Variants in EPHA6 observed in about 807,000 individuals in gnomAD.
EPHA6 encodes the protein ephrin type-A receptor 6.
A neutral mutation model predicts 112.0 loss-of-function variants in EPHA6; 50 were observed. That is an observed-to-expected ratio of 0.45 (90% CI 0.36 to 0.56). The LOEUF (loss-of-function observed/expected upper bound fraction) is 0.56. EPHA6 is among the 20% of genes least tolerant of loss of function. The pLI, the probability that EPHA6 is intolerant of heterozygous loss-of-function variation, is 0.00. For synonymous variants in EPHA6, 529 were observed against 490.7 expected (o/e 1.08, Z -1.03); for missense variants, 1,280 against 1,417.4 (o/e 0.90, Z 1.56).
chr3:97,099,834 G>A (rs2047352167), intron 3 of EPHA6, among the ~76,000 whole-genome samples: 1 of 151,976 alleles, frequency 6.6e-6, no homozygotes, highest in Non-Finnish European at 1.5e-5. Flanking sequence ...AAGTCCCACA[G>A]CTGACTACTT....
intron 4 of EPHA6, among the ~76,000 whole-genome samples, chr3:97,232,605 A>G (rs2078561352): frequency 6.6e-6 from 1 of 152,162 alleles, no homozygotes; most frequent in Non-Finnish European, 1.5e-5. Context: ...CTCATAGGAA[A>G]GAATTTGGCT....
chr3:97,539,100 C>CTTCA (rs2092809600), intron 11 of EPHA6, among the ~76,000 whole-genome samples: 1 of 134,568 alleles, frequency 7.4e-6, no homozygotes, highest in East Asian at 2.1e-4. Context: ...TCCTTCCTTC[C>CTTCA]TTCCTTTCTT....
At chr3:97,304,172 A>G (rs1359846132) in intron 5 of EPHA6, among the ~76,000 whole-genome samples, 2 of 151,988 alleles carry the variant, frequency 1.3e-5, no homozygotes, top group South Asian at 2.1e-4. Flanking sequence ...TAGACATAGG[A>G]TAATGTCATC....
chr3:97,689,631 C>T (rs1020202996), intron 14 of EPHA6, among the ~76,000 whole-genome samples: 7 of 152,078 alleles, frequency 4.6e-5, no homozygotes, highest in African/African-American at 7.2e-5. Context: ...TTGTTTTTAA[C>T]GACAATTAAG....
intron 11 of EPHA6, among the ~76,000 whole-genome samples, chr3:97,561,249 T>C (rs2107162001): frequency 6.6e-6 from 1 of 152,158 alleles, no homozygotes; most frequent in Admixed American, 6.6e-5. Flanking sequence ...ATTTAGCTCA[T>C]AAAACTCAGT....
intron 7 of EPHA6, among the ~76,000 whole-genome samples, chr3:97,454,750 G>A (rs189100803): frequency 1.3e-5 from 2 of 151,794 alleles, no homozygotes; most frequent in African/African-American, 4.8e-5. Flanking sequence ...GTTGGTTGAA[G>A]CACAATCTGT....
chr3:97,099,285 A>T (rs554450753), intron 3 of EPHA6, among the ~76,000 whole-genome samples: 1 of 151,860 alleles, frequency 6.6e-6, no homozygotes, highest in African/African-American at 2.4e-5. Flanking sequence ...TTTTCCTGTC[A>T]ACTTTCTAAT....
At chr3:97,203,002 G>A (rs140417266) in intron 3 of EPHA6, among the ~76,000 whole-genome samples, 5 of 152,236 alleles carry the variant, frequency 3.3e-5, no homozygotes, top group African/African-American at 1.2e-4. Flanking sequence ...AATGATCATG[G>A]AAGAGAGGAG....
chr3:97,248,606 C>G (rs963988926), intron 5 of EPHA6, among the ~76,000 whole-genome samples: 2 of 152,116 alleles, frequency 1.3e-5, no homozygotes, highest in Admixed American at 1.3e-4. Context: ...CAATTCTTGT[C>G]AGAAGCAAGT....
At chr3:96,860,049 C>G (rs1358127317) in intron 1 of EPHA6, among the ~76,000 whole-genome samples, 3 of 152,092 alleles carry the variant, frequency 2.0e-5, no homozygotes, top group Non-Finnish European at 4.4e-5. Context: ...TTGTAACTTA[C>G]AGACTTTCTA....
At chr3:97,226,179 A>G in intron 3 of EPHA6, 85 bp from the exon 4 acceptor site, 1 of 1,077,144 alleles carries the variant, frequency 9.3e-7, no homozygotes, top group African/African-American at 1.6e-5. Flanking sequence ...TCCAATGTGA[A>G]TATAAATTAA....
At chr3:97,521,449 G>A (rs1438061334) in intron 10 of EPHA6, among the ~76,000 whole-genome samples, 3 of 152,128 alleles carry the variant, frequency 2.0e-5, no homozygotes, top group Non-Finnish European at 4.4e-5. Context: ...TACAATTATG[G>A]TGGAAGAGGA....
At chr3:97,285,782 G>GT (rs2080445368) in intron 5 of EPHA6, among the ~76,000 whole-genome samples, 1 of 151,876 alleles carries the variant, frequency 6.6e-6, no homozygotes, top group Non-Finnish European at 1.5e-5. Context: ...CTTAGTTTTA[G>GT]TTTTTTGGTT....
At chr3:97,589,563 C>T (rs2093524044) in intron 11 of EPHA6, among the ~76,000 whole-genome samples, 1 of 152,070 alleles carries the variant, frequency 6.6e-6, no homozygotes, top group South Asian at 2.1e-4. Flanking sequence ...CTTATTTCAA[C>T]AACTTTAGTC....
intron 5 of EPHA6, among the ~76,000 whole-genome samples, chr3:97,304,395 C>T (rs1439625022): frequency 6.6e-6 from 1 of 151,862 alleles, no homozygotes; most frequent in Admixed American, 6.6e-5. Flanking sequence ...AGGAAAACTA[C>T]TTTAAAATTC....
At chr3:97,502,832 CAAAAAAAAAAAAAAA>C (rs397990595) in intron 10 of EPHA6, among the ~76,000 whole-genome samples, 3 of 35,880 alleles carry the variant, frequency 8.4e-5, no homozygotes, top group African/African-American at 2.9e-4. Flanking sequence ...GACTCTGTCT[CAAAAAAAAAAAAAAA>C]AAAAAAAAAA....
intron 11 of EPHA6, among the ~76,000 whole-genome samples, chr3:97,582,473 G>A (rs1252479351): frequency 6.6e-6 from 1 of 152,156 alleles, no homozygotes; most frequent in Non-Finnish European, 1.5e-5. Flanking sequence ...TGCAGGTAGA[G>A]ACATGGAAGG....
At chr3:97,491,293 A>T (rs2091831211) in intron 10 of EPHA6, among the ~76,000 whole-genome samples, 1 of 152,194 alleles carries the variant, frequency 6.6e-6, no homozygotes, top group South Asian at 2.1e-4. Flanking sequence ...GGTGGTCCTA[A>T]TTAGCCAGCA....
At chr3:97,073,399 C>G (rs1385923959) in intron 3 of EPHA6, among the ~76,000 whole-genome samples, 1 of 152,002 alleles carries the variant, frequency 6.6e-6, no homozygotes, top group African/African-American at 2.4e-5. Context: ...GCAAGTGAGC[C>G]AAGAGAGACA....
Sources: gnomAD v4.1 joint callset for allele counts (sites outside exome capture counted in the v4.1 genomes callset) on GRCh38, gnomAD v4.1.1 for gene constraint, MANE v1.5 for transcripts, NCBI Gene and HGNC (gene_info 2026-07-23, HGNC 2026-07-21) for gene names.